The following ADK variants were observed in gnomAD, a reference collection of about 807,000 sequenced individuals.
ADK encodes adenosine kinase.
A neutral mutation model predicts 44.7 loss-of-function variants in ADK; 24 were observed. The ratio of observed to expected loss-of-function variants is 0.54; its 90% CI spans 0.39 to 0.76. ADK has a LOEUF of 0.76. Among genes scored for constraint, ADK ranks in the 30% least tolerant of loss-of-function variants. The pLI is 0.00. For synonymous variants in ADK, 128 were observed against 142.6 expected, an observed-to-expected ratio of 0.90 and a Z score of 0.73; for missense variants, 321 against 425.1, an observed-to-expected ratio of 0.76 and a Z score of 2.15.
At chr10:74,597,972 T>C (rs868022362) in intron 8 of ADK, among the ~76,000 whole-genome samples, 5 of 152,210 alleles carry the variant, frequency 3.3e-5, no homozygotes, top group Non-Finnish European at 7.3e-5. Flanking sequence ...GGGGACATAC[T>C]TTGAGACTGT....
intron 6 of ADK, among the ~76,000 whole-genome samples, chr10:74,492,104 T>C (rs1847511591): frequency 6.6e-6 from 1 of 152,166 alleles, no homozygotes. Context: ...AATGCCTCTT[T>C]AACCTCTAAA....
rs572819674 is a variant in ADK at position 74,411,693 on chromosome 10, T to A, written c.555+13114T>A. Among the ~76,000 whole-genome samples, 11 of 152,332 alleles carry A rather than the reference T, an allele frequency of 7.2e-5. No homozygotes were observed. The South Asian group carries it at 1.7e-3, about 23-fold the overall frequency. On this transcript the variant is annotated intron_variant, in intron 6 of 10. Transcript: ENST00000539909. ...AGGTTGGGGTAGCTGTGACGATTTC[T>A]TAAAATAAGACAGCAATGAAGTTTG...
chr10:74,550,017 G>A (rs1165380837), intron 7 of ADK, among the ~76,000 whole-genome samples: 3 of 151,838 alleles, frequency 2.0e-5, no homozygotes, highest in South Asian at 2.1e-4. Context: ...ATGATTTGCA[G>A]TCAGGGAGCT....
intron 6 of ADK, among the ~76,000 whole-genome samples, chr10:74,468,264 A>G (rs1846430829): frequency 6.6e-6 from 1 of 152,128 alleles, no homozygotes; most frequent in South Asian, 2.1e-4. Context: ...TTTTGAGACT[A>G]CCCATTAGGG....
chr10:74,339,221 A>C (rs543866442), intron 4 of ADK, among the ~76,000 whole-genome samples: 1 of 152,096 alleles, frequency 6.6e-6, no homozygotes, highest in Non-Finnish European at 1.5e-5. Flanking sequence ...TTGGCCTTCT[A>C]AAGTGCTGGG....
intron 6 of ADK, among the ~76,000 whole-genome samples, chr10:74,441,811 T>A (rs150373818): frequency 5.9e-4 from 90 of 152,252 alleles, no homozygotes; most frequent in African/African-American, 1.9e-3. Flanking sequence ...ACCCCATATA[T>A]GATAAAAGGT....
intron 6 of ADK, among the ~76,000 whole-genome samples, chr10:74,512,697 A>G (rs1848388372): frequency 6.7e-6 from 1 of 149,530 alleles, no homozygotes; most frequent in South Asian, 2.1e-4. Context: ...TGGTTTGTCA[A>G]TTTTGTTTAG....
intron 9 of ADK, among the ~76,000 whole-genome samples, chr10:74,660,891 G>C (rs1854696464): frequency 6.6e-6 from 1 of 152,062 alleles, no homozygotes; most frequent in Non-Finnish European, 1.5e-5. Flanking sequence ...AATTAGCTGG[G>C]CGTGGTGGCA....
At chr10:74,258,885 G>C in intron 3 of ADK, among the ~76,000 whole-genome samples, 1 of 150,470 alleles carries the variant, frequency 6.6e-6, no homozygotes, top group South Asian at 2.1e-4. Flanking sequence ...ATTGTTTAAC[G>C]TATACATAAT....
intron 1 of ADK, among the ~76,000 whole-genome samples, chr10:74,184,720 G>A (rs890478955): frequency 7.2e-5 from 11 of 152,144 alleles, no homozygotes; most frequent in African/African-American, 2.7e-4. Flanking sequence ...ACACATAAAT[G>A]TGTCTCATTT....
intron 9 of ADK, among the ~76,000 whole-genome samples, chr10:74,657,800 T>C (rs1348567816): frequency 6.6e-6 from 1 of 152,190 alleles, no homozygotes; most frequent in Non-Finnish European, 1.5e-5. Flanking sequence ...AAGACATTTG[T>C]AAAGAAGTAA....
intron 7 of ADK, chr10:74,528,137 C>G (rs952224573): frequency 1.9e-6 from 2 of 1,059,096 alleles, no homozygotes; most frequent in African/African-American, 3.2e-5. Context: ...TCGAACAAAC[C>G]TGAAAGTATA....
chr10:74,527,212 T>A (rs568906230), intron 7 of ADK, among the ~76,000 whole-genome samples: 5 of 151,982 alleles, frequency 3.3e-5, no homozygotes, highest in African/African-American at 1.2e-4. Flanking sequence ...ATACAAAAAA[T>A]GAGCCAGGCG....
At chr10:74,682,888 CA>C (rs1360012631) in intron 10 of ADK, among the ~76,000 whole-genome samples, 5 of 152,100 alleles carry the variant, frequency 3.3e-5, no homozygotes, top group African/African-American at 4.8e-5. Flanking sequence ...TTTCATTATG[CA>C]AATACCTGCT....
intron 1 of ADK, among the ~76,000 whole-genome samples, chr10:74,180,397 C>T (rs1842497300): frequency 1.3e-5 from 2 of 148,734 alleles, no homozygotes; most frequent in South Asian, 4.2e-4. Context: ...GCCTCACGCC[C>T]AGCTAATTTT....
intron 4 of ADK, among the ~76,000 whole-genome samples, chr10:74,362,924 T>C (rs1842383600): frequency 6.6e-6 from 1 of 152,186 alleles, no homozygotes; most frequent in East Asian, 1.9e-4. Context: ...CAGAAGACTC[T>C]CCTAGTGGTC....
At chr10:74,560,288 T>G (rs1046606948) in intron 7 of ADK, among the ~76,000 whole-genome samples, 1 of 152,216 alleles carries the variant, frequency 6.6e-6, no homozygotes, top group Non-Finnish European at 1.5e-5. Context: ...TAGTCATATT[T>G]GTTAGTCTTG....
intron 6 of ADK, among the ~76,000 whole-genome samples, chr10:74,471,226 C>T (rs1237307153): frequency 1.3e-5 from 2 of 152,090 alleles, no homozygotes; most frequent in Non-Finnish European, 2.9e-5. Flanking sequence ...AAGCACCTGC[C>T]ACCACGCCTG....
At chr10:74,380,060 C>T (rs941414272) in intron 4 of ADK, among the ~76,000 whole-genome samples, 11 of 152,176 alleles carry the variant, frequency 7.2e-5, no homozygotes, top group African/African-American at 2.7e-4. Context: ...CTTTGCCTGC[C>T]TCCCACTCTT....
Sources: gnomAD v4.1 joint callset for allele counts (sites outside exome capture counted in the v4.1 genomes callset) on GRCh38, gnomAD v4.1.1 for gene constraint, MANE v1.5 for transcripts, NCBI Gene and HGNC (gene_info 2026-07-23, HGNC 2026-07-21) for gene names.